The following NBEAL1 variants were observed in gnomAD, a reference collection of about 807,000 sequenced individuals.
The protein encoded by NBEAL1 is neurobeachin-like protein 1.
In NBEAL1, 273 loss-of-function variants were observed where a neutral mutation model predicts 351.3. The observed-to-expected ratio is 0.78, with a 90% confidence interval of 0.70 to 0.86. The LOEUF (loss-of-function observed/expected upper bound fraction) is 0.86, where lower values mean the gene tolerates loss of function less well. Among genes scored for constraint, NBEAL1 ranks in the 40% least tolerant of loss-of-function variants. NBEAL1 has a pLI of 0.00. For synonymous variants in NBEAL1, 1,050 were observed against 1,086.4 expected (o/e 0.97, Z 0.66); for missense variants, 2,961 against 3,201.3 (o/e 0.92, Z 1.81).
Position 203,136,260 on chromosome 2 carries a change from T to C in NBEAL1, c.4389+8T>C. 3 of 1,538,348 alleles carry C rather than the reference T, an allele frequency of 2.0e-6. No individual in the cohort carries two copies. The Middle Eastern group carries it at 5.2e-4, about 268-fold the overall frequency. On this transcript the variant is annotated splice_region_variant and intron_variant, in intron 28 of 55. Coordinates refer to ENST00000683969, the MANE Select transcript of NBEAL1 (RefSeq NM_001378026.1). The stretch of plus-strand genomic sequence containing the variant: ...TTACTTGAAAGCCAAGAGGTAAAAT[T>C]GCTTATTTTTCCAAATGTTGTTTTT...
At chr2:203,045,798 G>A (rs2061216506) in intron 3 of NBEAL1, among the ~76,000 whole-genome samples, 1 of 152,100 alleles carries the variant, frequency 6.6e-6, no homozygotes, top group Non-Finnish European at 1.5e-5. Flanking sequence ...AAGTATAATT[G>A]TCATTTAATC....
Position 203,127,637 on chromosome 2 carries a change from G to A in NBEAL1, c.3249-144G>A, listed in dbSNP as rs182303152. Reference sequence around the variant, plus strand: ...CTCAGGAGGCTGAGGCAGGAGAATCGCTTGAACCCAGAAGGCAGAGGTTGC... The same window carrying A: ...CTCAGGAGGCTGAGGCAGGAGAATCACTTGAACCCAGAAGGCAGAGGTTGC... On this transcript the variant is annotated intron_variant, in intron 23 of 55. Transcript: ENST00000683969. 114 of 422,440 alleles carry A rather than the reference G, an allele frequency of 2.7e-4. No individual in the cohort carries two copies. In the East Asian group the frequency reaches 4.4e-3, roughly 16 times the overall value. The allele number at this position is 422,440 out of a possible 1,614,324, so 26.2% of individuals were successfully genotyped here. A position where few individuals can be genotyped will look rare whatever the true frequency, so the allele number is the denominator to read the frequency against.
intron 41 of NBEAL1, 102 bp from the exon 42 acceptor site, chr2:203,175,045 G>A (rs2064456061): frequency 2.9e-6 from 3 of 1,024,432 alleles, no homozygotes; most frequent in Admixed American, 2.7e-5. Context: ...GAAGAAGGAT[G>A]GACTTTTTAA....
intron 42 of NBEAL1, 102 bp downstream of exon 42, chr2:203,175,389 T>G (rs191523695): frequency 8.3e-7 from 1 of 1,198,738 alleles, no homozygotes; most frequent in Non-Finnish European, 1.2e-6. Flanking sequence ...TTTATTCTCC[T>G]GTATTAAATT....
At chr2:203,063,916 T>G (rs2061539428) in intron 6 of NBEAL1, among the ~76,000 whole-genome samples, 2 of 152,134 alleles carry the variant, frequency 1.3e-5, no homozygotes, top group Non-Finnish European at 2.9e-5. Flanking sequence ...TTAGTAAATA[T>G]AGAGGAGATG....
rs1056620821 is a variant in NBEAL1, at chr2:203,083,353, A to G, written c.819A>G (p.Thr273=). ...CAGAACTAACTCTGAAGTGCCTTAC[A>G]GAAGTGGTACATATCCTTCTCAGTA... ...RKAELTLKCL[T]EVVHILLSSN... Residue 273 remains threonine (T), a synonymous_variant, in exon 9 of 56, where the codon ACA becomes ACG. Coordinates refer to ENST00000683969, the MANE Select transcript of NBEAL1 (RefSeq NM_001378026.1). The G allele has an allele frequency of 3.9e-6, 6 of 1,554,808 alleles. No individual in the cohort carries two copies. The highest frequency in any genetic ancestry group is 5.2e-6 in the Non-Finnish European group (6 of 1,147,878).
chr2:203,113,304 C>T lies in NBEAL1; in HGVS notation c.2492C>T (p.Ala831Val). The T allele has an allele frequency of 7.1e-7, 1 of 1,403,250 alleles. No homozygotes were observed. 86.9% of individuals were successfully genotyped at this position (1,403,250 alleles called of 1,614,324 possible). ...YEPLQPPQVK[A>V]LYLAGPNCLS... is the part of the protein sequence containing the mutation. Reference sequence around the variant, plus strand: ...CCACTACAACCTCCTCAGGTGAAGGCATTATATTTAGCAGGTAAGCATGTA... The same window carrying T: ...CCACTACAACCTCCTCAGGTGAAGGTATTATATTTAGCAGGTAAGCATGTA... The change falls in exon 17 of 56, where the codon GCA (alanine) becomes GTA (valine). Residue 831 changes from alanine to valine, a missense_variant. Ala to Val is a moderately conservative substitution (Grantham distance 64). Transcript: ENST00000683969.
At chr2:203,044,793 C>T (rs1442879676) in intron 3 of NBEAL1, among the ~76,000 whole-genome samples, 1 of 152,004 alleles carries the variant, frequency 6.6e-6, no homozygotes, top group Non-Finnish European at 1.5e-5. Context: ...GTAAACTGAC[C>T]TTAGAGAATT....
chr2:203,095,462 T>G (rs1256284545), intron 10 of NBEAL1, among the ~76,000 whole-genome samples: 1 of 151,648 alleles, frequency 6.6e-6, no homozygotes, highest in Non-Finnish European at 1.5e-5. Context: ...TCCCTGCTAA[T>G]TTTGTATTTT....
chr2:203,065,873 G>T (rs1483128300), intron 6 of NBEAL1, among the ~76,000 whole-genome samples: 1 of 152,184 alleles, frequency 6.6e-6, no homozygotes, highest in Non-Finnish European at 1.5e-5. Flanking sequence ...TCTGCTAAAT[G>T]CTAGATGCTT....
chr2:203,083,640 A>G, intron 9 of NBEAL1, 115 bp downstream of exon 9: 1 of 770,338 alleles, frequency 1.3e-6, no homozygotes, highest in Non-Finnish European at 2.0e-6. Flanking sequence ...TAATTCAGAT[A>G]TCATATGACT....
intron 4 of NBEAL1, among the ~76,000 whole-genome samples, chr2:203,054,154 A>C (rs2061369665): frequency 6.6e-6 from 1 of 152,092 alleles, no homozygotes; most frequent in Non-Finnish European, 1.5e-5. Flanking sequence ...GGCGGAGTGC[A>C]GTGGCTCACG....
chr2:203,096,971 C>T (rs192896964), intron 10 of NBEAL1, among the ~76,000 whole-genome samples: 18 of 152,106 alleles, frequency 1.2e-4, no homozygotes, highest in Admixed American at 1.1e-3. Context: ...AAAGACATAC[C>T]GGAGACTGGA....
At chr2:203,129,950 C>T (rs1041571692) in intron 24 of NBEAL1, among the ~76,000 whole-genome samples, 8 of 152,066 alleles carry the variant, frequency 5.3e-5, no homozygotes, top group East Asian at 3.9e-4. Flanking sequence ...TCGCTTGAGC[C>T]GAGGAGTTTG....
In NBEAL1 at chr2:203,210,485, C is replaced by T. The variant is rs2065756074; in HGVS notation, c.7786-473C>T. On this transcript the variant is annotated intron_variant, in intron 53 of 55. Transcript: ENST00000683969. ...GACCATCCTAACTAACACAGTGAAA[C>T]CCCGTCTCTACTAAAAATGCAAAAA... Among the ~76,000 whole-genome samples the T allele has an allele frequency of 2.6e-5, 4 of 151,562 alleles. 1 individual carries two copies. The highest frequency in any genetic ancestry group is 2.6e-4 in the Admixed American group (4 of 15,202).
chr2:203,118,145 A>G (rs568242981), intron 18 of NBEAL1, among the ~76,000 whole-genome samples: 37 of 152,282 alleles, frequency 2.4e-4, no homozygotes, highest in Admixed American at 9.2e-4. Flanking sequence ...AAATTAACCA[A>G]TTACTAATGT....
chr2:203,146,936 A>G (rs1225902449), intron 33 of NBEAL1, among the ~76,000 whole-genome samples: 1 of 152,216 alleles, frequency 6.6e-6, no homozygotes, highest in Non-Finnish European at 1.5e-5. Context: ...CTACATTATC[A>G]TATCAGTAAA....
At position 203,144,906 on chromosome 2, in the gene NBEAL1, G is replaced by A. The variant is rs944690618; in HGVS notation, c.5154+1G>A. The stretch of plus-strand genomic sequence containing the variant: ...ATGGCAAGTTTACATTGAAAAATAT[G>A]TAAGTTTTATCTTTTTTGATCAAGA... On this transcript the variant is annotated splice_donor_variant, in intron 32 of 55. Transcript: ENST00000683969. LOFTEE classifies it high-confidence loss of function. The A allele has an allele frequency of 5.1e-6, 8 of 1,572,570 alleles. No homozygotes were observed. The highest frequency in any genetic ancestry group is 4.1e-5 in the African/African-American group (3 of 72,756).
At chr2:203,170,636 T>C (rs1322898039) in intron 39 of NBEAL1, among the ~76,000 whole-genome samples, 4 of 152,216 alleles carry the variant, frequency 2.6e-5, no homozygotes, top group Non-Finnish European at 1.5e-5. Context: ...GCTTCCTGGC[T>C]GTCTCCTTCC....
Sources: allele counts gnomAD v4.1 joint callset (sites outside exome capture counted in the v4.1 genomes callset), GRCh38; gene constraint gnomAD v4.1.1; transcripts MANE v1.5; gene names NCBI Gene and HGNC (gene_info 2026-07-23, HGNC 2026-07-21).